The following TRIM23 variants were observed in gnomAD, a reference collection of about 807,000 sequenced individuals.
TRIM23 encodes the protein E3 ubiquitin-protein ligase TRIM23.
In TRIM23, 27 loss-of-function variants were observed where a neutral mutation model predicts 71.0. The observed-to-expected ratio is 0.38, with a 90% CI of 0.28 to 0.52. The LOEUF is 0.52. Among genes scored for constraint, TRIM23 ranks in the 20% least tolerant of loss-of-function variants. TRIM23 has a pLI of 0.84. For missense variants in TRIM23, 482 were observed against 692.3 expected (o/e 0.70, Z 3.41); for synonymous variants, 234 against 238.0 (o/e 0.98, Z 0.16).
rs1036043609 is a variant in TRIM23 at position 65,591,233 on chromosome 5, C to T, written c.*536G>A. The T allele has an allele frequency of 8.0e-7, 1 of 1,257,462 alleles. No individual in the cohort carries two copies. The highest frequency in any genetic ancestry group is 1.6e-5 in the African/African-American group (1 of 62,678). The allele number at this position is 1,257,462 out of a possible 1,614,324, so 77.9% of individuals were successfully genotyped here. A position where few individuals can be genotyped will look rare whatever the true frequency, so the allele number is the denominator to read the frequency against. On this transcript the variant is annotated 3_prime_UTR_variant, in exon 11 of 11. Transcript: ENST00000231524. ...CTTAGCATTAAAGGTGTTCTGTTAA[C>T]TCTGAACATAAACATAAAGTAATCC...
chr5:65,608,677 A>G (rs1754567286), intron 6 of TRIM23, among the ~76,000 whole-genome samples: 1 of 152,222 alleles, frequency 6.6e-6, no homozygotes, highest in African/African-American at 2.4e-5. Flanking sequence ...TGTTAGAATA[A>G]CTGAATCTCA....
intron 1 of TRIM23, among the ~76,000 whole-genome samples, chr5:65,619,767 A>G (rs1754875931): frequency 6.6e-6 from 1 of 152,230 alleles, no homozygotes; most frequent in South Asian, 2.1e-4. Flanking sequence ...AAAGATGTTC[A>G]ATCTAACTCA....
rs1040592744 is a variant in TRIM23 at position 65,610,730 on chromosome 5, G to A, written c.828+131C>T. ...GATGAATGAGTTCCTGAAAGACAGG[G>A]ACTTTTAAAAAACTTTCTAATGATT... is the stretch of plus-strand genomic sequence containing the variant. On this transcript the variant is annotated intron_variant, in intron 5 of 10. Coordinates refer to ENST00000231524, the MANE Select transcript of TRIM23 (RefSeq NM_001656.4). The A allele has an allele frequency of 3.7e-5, 24 of 655,906 alleles. No homozygotes were observed. In the African/African-American group the frequency reaches 4.3e-4, roughly 12 times the overall value. The allele number at this position is 655,906 out of a possible 1,614,324, so 40.6% of individuals were successfully genotyped here.
intron 7 of TRIM23, among the ~76,000 whole-genome samples, chr5:65,598,942 CA>C (rs1247910196): frequency 6.6e-6 from 1 of 152,096 alleles, no homozygotes; most frequent in East Asian, 1.9e-4. Flanking sequence ...AAACATTCAA[CA>C]AACTAGGAGT....
At chr5:65,611,114 C>A (rs1754638367) in intron 4 of TRIM23, 71 bp from the exon 5 acceptor site, 4 of 1,352,828 alleles carry the variant, frequency 3.0e-6, no homozygotes, top group South Asian at 1.5e-5. Context: ...CTATTTAAAT[C>A]CCTATTAATA....
intron 1 of TRIM23, among the ~76,000 whole-genome samples, 155 bp from the exon 2 acceptor site, chr5:65,618,410 C>A (rs1006529465): frequency 1.3e-5 from 2 of 152,118 alleles, no homozygotes; most frequent in African/African-American, 4.8e-5. Flanking sequence ...TCTTGAATCA[C>A]TTTTAAGTCA....
At chr5:65,620,474 T>C (rs1754902021) in intron 1 of TRIM23, among the ~76,000 whole-genome samples, 1 of 152,196 alleles carries the variant, frequency 6.6e-6, no homozygotes, top group Non-Finnish European at 1.5e-5. Flanking sequence ...TATAGGATAG[T>C]GAGAAAGATG....
chr5:65,607,038 T>C (rs921343841), intron 6 of TRIM23: 3 of 152,210 alleles, frequency 2.0e-5, no homozygotes, highest in Admixed American at 1.3e-4. Context: ...GCATCCAGTA[T>C]CATGCCAAGA....
intron 7 of TRIM23, among the ~76,000 whole-genome samples, chr5:65,599,380 C>A (rs1264151079): frequency 6.6e-6 from 1 of 151,954 alleles, no homozygotes; most frequent in African/African-American, 2.4e-5. Flanking sequence ...TGAACATGTA[C>A]AGAAAAAAAA....
chr5:65,592,083 A>G (rs1208822621), intron 10 of TRIM23, 135 bp from the exon 11 acceptor site: 1 of 839,274 alleles, frequency 1.2e-6, no homozygotes, highest in Admixed American at 2.9e-5. Context: ...ATCTTTCAGT[A>G]ATTATTCTGA....
At chr5:65,603,489 C>T (rs1190436846) in intron 7 of TRIM23, among the ~76,000 whole-genome samples, 3 of 151,946 alleles carry the variant, frequency 2.0e-5, no homozygotes, top group Admixed American at 6.5e-5. Context: ...GGTGTGCATA[C>T]AAATATATAA....
At chr5:65,605,176 A>C (rs1164035347) in intron 6 of TRIM23, 131 bp from the exon 7 acceptor site, 1 of 769,036 alleles carries the variant, frequency 1.3e-6, no homozygotes, top group African/African-American at 1.8e-5. Context: ...ATTTGACAAA[A>C]ATAATAATTG....
chr5:65,591,004 C>CT lies in TRIM23; in HGVS notation c.*764dup, dbSNP rs1754006420. 1.0e-6 allele frequency: 1 copy of CT among 986,088 alleles called. No homozygotes were observed. The highest frequency in any genetic ancestry group is 1.2e-6 in the Non-Finnish European group (1 of 830,554). The allele number at this position is 986,088 out of a possible 1,614,324, so 61.1% of individuals were successfully genotyped here. ...AAAATAGAAGGACCAATTTAGAGCT[C>CT]TGACCTAGGTTCAGTCCTGGAAATG... On this transcript the variant is annotated 3_prime_UTR_variant, in exon 11 of 11. Coordinates refer to ENST00000231524, the MANE Select transcript of TRIM23 (RefSeq NM_001656.4).
At chr5:65,623,269 C>G (rs1754999212) in intron 1 of TRIM23, among the ~76,000 whole-genome samples, 1 of 152,148 alleles carries the variant, frequency 6.6e-6, no homozygotes, top group African/African-American at 2.4e-5. Flanking sequence ...CTGGTAATTC[C>G]TAAAATATAC....
intron 2 of TRIM23, among the ~76,000 whole-genome samples, chr5:65,617,563 A>C (rs1354799103): frequency 6.6e-6 from 1 of 152,238 alleles, no homozygotes; most frequent in African/African-American, 2.4e-5. Context: ...ATACGTAAAG[A>C]AAAGTTTTAA....
intron 1 of TRIM23, among the ~76,000 whole-genome samples, chr5:65,621,628 C>T (rs996569670): frequency 1.3e-5 from 2 of 152,028 alleles, no homozygotes; most frequent in South Asian, 4.1e-4. Flanking sequence ...GACTATTTTG[C>T]ATCAACTCGG....
intron 6 of TRIM23, 95 bp downstream of exon 6, chr5:65,609,148 G>A: frequency 7.9e-7 from 1 of 1,261,292 alleles, no homozygotes; most frequent in South Asian, 1.4e-5. Flanking sequence ...GCATACAGCA[G>A]ACACAAAATA....
At chr5:65,619,739 T>A (rs1754875106) in intron 1 of TRIM23, among the ~76,000 whole-genome samples, 1 of 152,152 alleles carries the variant, frequency 6.6e-6, no homozygotes, top group Non-Finnish European at 1.5e-5. Flanking sequence ...GAAAAGAAGA[T>A]GAAAATTCTT....
intron 10 of TRIM23, among the ~76,000 whole-genome samples, chr5:65,592,785 C>T (rs942832802): frequency 1.8e-4 from 28 of 152,044 alleles, no homozygotes; most frequent in African/African-American, 6.8e-4. Flanking sequence ...TTGTTTTTTA[C>T]GTAAACATGT....
Sources: allele counts gnomAD v4.1 joint callset (sites outside exome capture counted in the v4.1 genomes callset), GRCh38; gene constraint gnomAD v4.1.1; transcripts MANE v1.5; gene names NCBI Gene and HGNC (gene_info 2026-07-23, HGNC 2026-07-21).